ST8SIA6: variants seen among roughly 807,000 people sequenced by gnomAD.
The protein encoded by ST8SIA6 is ST8 alpha-N-acetyl-neuraminide alpha-2,8-sialyltransferase 6.
ST8SIA6 carries 39 observed loss-of-function variants against 33.6 expected under a neutral mutation model. The observed-to-expected ratio is 1.16, with a 90% confidence interval of 0.90 to 1.52. ST8SIA6 has a LOEUF of 1.52. Ranked by LOEUF, ST8SIA6 falls within the 40% of genes most tolerant of loss-of-function variation. The pLI is 0.00. For synonymous variants in ST8SIA6, 172 were observed against 167.2 expected (o/e 1.03, Z -0.22); for missense variants, 441 against 443.8 (o/e 0.99, Z 0.06).
At chr10:17,439,272 T>C (rs1196878353) in intron 2 of ST8SIA6, among the ~76,000 whole-genome samples, 1 of 36,850 alleles carries the variant, frequency 2.7e-5, no homozygotes, top group Non-Finnish European at 4.3e-5. Context: ...CTTCCCTCTC[T>C]TTTTTTTTTT....
chr10:17,323,117 C>A lies in ST8SIA6; in HGVS notation c.676G>T (p.Val226Phe). 5.0e-6 allele frequency: 8 copies of A among 1,613,760 alleles called. No homozygotes were observed. Among genetic ancestry groups the A allele is most frequent in the Non-Finnish European group, 5.9e-6 (7 of 1,179,820 alleles). The part of the protein sequence containing the change: ...PPTTGDVSKD[V>F]GSKTNLVTIN... ...GTCACAAGATTTGTTTTACTGCCAA[C>A]ATCTTTACTAACATCTCCTGTGGTT... Residue 226 changes from valine (V) to phenylalanine (F), a missense_variant, in exon 7 of 8, where the codon GTT becomes TTT. Coordinates refer to ENST00000377602, the MANE Select transcript of ST8SIA6 (RefSeq NM_001004470.3).
At chr10:17,421,772 A>G (rs1014620002) in intron 2 of ST8SIA6, among the ~76,000 whole-genome samples, 2 of 152,042 alleles carry the variant, frequency 1.3e-5, no homozygotes, top group Admixed American at 1.3e-4. Context: ...TTAGTATGGT[A>G]TCCAGGCTGG....
chr10:17,430,265 T>C (rs1588918133), intron 2 of ST8SIA6, among the ~76,000 whole-genome samples: 1 of 152,216 alleles, frequency 6.6e-6, no homozygotes, highest in Non-Finnish European at 1.5e-5. Flanking sequence ...TATTCCATGG[T>C]GTATATACAC....
rs1035028319 is a variant in ST8SIA6 at position 17,387,440 on chromosome 10, G to A, written c.290+3091C>T. 8.9e-5 allele frequency among the ~76,000 whole-genome samples: 11 copies of A among 124,248 alleles called. No individual in the cohort carries two copies. In the East Asian group the frequency reaches 2.0e-3, roughly 23 times the overall value. 81.5% of individuals were successfully genotyped at this position (124,248 alleles called of 152,430 possible). On this transcript the variant is annotated intron_variant, in intron 3 of 7. Coordinates refer to ENST00000377602, the MANE Select transcript of ST8SIA6 (RefSeq NM_001004470.3). ...CTCATTTTGTGTTTTTAGTCGGGGC[G>A]GTGGGGCGGGGGGGGGGGGGTTCTC...
chr10:17,429,986 T>C (rs965446873), intron 2 of ST8SIA6, among the ~76,000 whole-genome samples: 9 of 152,210 alleles, frequency 5.9e-5, no homozygotes, highest in African/African-American at 2.2e-4. Flanking sequence ...GAGATTTTAG[T>C]GCACCCATCG....
intron 2 of ST8SIA6, among the ~76,000 whole-genome samples, chr10:17,428,928 A>T (rs1392553610): frequency 6.6e-6 from 1 of 152,090 alleles, no homozygotes; most frequent in African/African-American, 2.4e-5. Context: ...TGAGATATGA[A>T]TGGGGGTTGA....
chr10:17,338,036 T>G (rs1259182759), intron 4 of ST8SIA6, among the ~76,000 whole-genome samples: 7 of 33,068 alleles, frequency 2.1e-4, no homozygotes, highest in African/African-American at 1.5e-3. Context: ...CTATTCTTTT[T>G]TTTTTTTTTT....
rs1847885690 is a variant in ST8SIA6 at position 17,319,780 on chromosome 10, A to T, written c.*1098T>A. The T allele has an allele frequency of 6.6e-6, 1 of 152,156 alleles. No homozygotes were observed. Among genetic ancestry groups the T allele is most frequent in the Non-Finnish European group, 1.5e-5 (1 of 68,012 alleles). 9.4% of individuals were successfully genotyped at this position (152,156 alleles called of 1,614,324 possible). On this transcript the variant is annotated 3_prime_UTR_variant, in exon 8 of 8. Coordinates refer to ENST00000377602, the MANE Select transcript of ST8SIA6 (RefSeq NM_001004470.3). ...TTTAATTATTTCAGTATATTTTGTT[A>T]CTTTTACTAATCAATTACATATTTC...
chr10:17,379,383 C>G (rs568154561), intron 3 of ST8SIA6, among the ~76,000 whole-genome samples: 3 of 152,236 alleles, frequency 2.0e-5, no homozygotes, highest in East Asian at 3.9e-4. Flanking sequence ...TGATGCAGCA[C>G]TTCTTTCAGT....
At chr10:17,442,180 A>C (rs1852523339) in intron 2 of ST8SIA6, among the ~76,000 whole-genome samples, 1 of 152,212 alleles carries the variant, frequency 6.6e-6, no homozygotes, top group Non-Finnish European at 1.5e-5. Flanking sequence ...ACAATCTTTT[A>C]AAATGTTATA....
chr10:17,324,614 AT>A (rs1204082045), intron 6 of ST8SIA6, among the ~76,000 whole-genome samples: 2 of 151,402 alleles, frequency 1.3e-5, no homozygotes, highest in African/African-American at 4.8e-5. Flanking sequence ...TAAAAGAAAA[AT>A]ATCTCAGAAT....
At chr10:17,340,272 T>C (rs1310846539) in intron 4 of ST8SIA6, among the ~76,000 whole-genome samples, 1 of 152,152 alleles carries the variant, frequency 6.6e-6, no homozygotes, top group Admixed American at 6.5e-5. Context: ...GGTCACCTGC[T>C]TCGTCCTGAG....
chr10:17,358,114 A>G (rs1341294277), intron 4 of ST8SIA6, among the ~76,000 whole-genome samples: 1 of 152,228 alleles, frequency 6.6e-6, no homozygotes, highest in East Asian at 1.9e-4. Flanking sequence ...CAGATAGGAA[A>G]GATGTTTAAT....
intron 2 of ST8SIA6, among the ~76,000 whole-genome samples, chr10:17,417,431 G>C (rs1291321500): frequency 6.6e-6 from 1 of 152,044 alleles, no homozygotes; most frequent in East Asian, 1.9e-4. Flanking sequence ...GAGCGTTCCT[G>C]TTAGTGCTTC....
chr10:17,356,550 G>C (rs1378812787), intron 4 of ST8SIA6, among the ~76,000 whole-genome samples: 1 of 151,904 alleles, frequency 6.6e-6, no homozygotes, highest in Non-Finnish European at 1.5e-5. Flanking sequence ...GTTATGCCCA[G>C]CTAATTTTTA....
intron 3 of ST8SIA6, among the ~76,000 whole-genome samples, chr10:17,389,423 C>T (rs1172074371): frequency 6.6e-6 from 1 of 152,154 alleles, no homozygotes; most frequent in Non-Finnish European, 1.5e-5. Flanking sequence ...GGGTTATTTC[C>T]TTTCAGGGAG....
intron 2 of ST8SIA6, among the ~76,000 whole-genome samples, chr10:17,435,804 T>G (rs1852237040): frequency 6.6e-6 from 1 of 152,168 alleles, no homozygotes; most frequent in African/African-American, 2.4e-5. Context: ...ATATTTTTTA[T>G]AACAATGTGG....
At chr10:17,453,466 C>T (rs945955897) in intron 2 of ST8SIA6, 93 bp downstream of exon 2, 93 of 997,266 alleles carry the variant, frequency 9.3e-5, no homozygotes, top group Middle Eastern at 3.5e-4. Flanking sequence ...CCCAGCCTGC[C>T]TACTCCCAAC....
At chr10:17,400,451 G>A (rs1014146047) in intron 2 of ST8SIA6, among the ~76,000 whole-genome samples, 1 of 152,168 alleles carries the variant, frequency 6.6e-6, no homozygotes, top group Non-Finnish European at 1.5e-5. Context: ...AGAATTGCTT[G>A]AACCTAGGAG....
Sources: gnomAD v4.1 joint callset for allele counts (sites outside exome capture counted in the v4.1 genomes callset) on GRCh38, gnomAD v4.1.1 for gene constraint, MANE v1.5 for transcripts, NCBI Gene and HGNC (gene_info 2026-07-23, HGNC 2026-07-21) for gene names.